The following TOP1MT variants were observed in gnomAD, a reference collection of about 807,000 sequenced individuals.
The protein encoded by TOP1MT is DNA topoisomerase I, mitochondrial.
In TOP1MT, 80 loss-of-function variants were observed where a neutral mutation model predicts 73.9. The observed-to-expected ratio is 1.08, with a 90% CI of 0.90 to 1.30. The LOEUF is 1.30. Ranked by LOEUF, TOP1MT falls within the 50% of genes most tolerant of loss-of-function variation. The pLI is 0.00. For missense variants in TOP1MT, 815 were observed against 808.0 expected, an observed-to-expected ratio of 1.01 and a Z score of -0.10; for synonymous variants, 338 against 326.4, an observed-to-expected ratio of 1.04 and a Z score of -0.38.
Position 143,310,214 on chromosome 8 carries a change from G to A in TOP1MT, c.1557C>T (p.Val519=). The A allele has an allele frequency of 6.4e-7, 1 of 1,558,762 alleles. No individual in the cohort carries two copies. The highest frequency in any genetic ancestry group is 8.7e-7 in the Non-Finnish European group (1 of 1,153,994). ...CCAGGAGCCGCCTCTTCTTCTCCAG[G>A]ACACTGGCAAGAGAAGAGGAGGCCG... ...KAQGDGKSRS[V]LEKKRRLLEK... The change falls in exon 13 of 14, where the codon GTC becomes GTT. Residue 519 remains valine, a synonymous_variant. Transcript: ENST00000329245.
intron 7 of TOP1MT, among the ~76,000 whole-genome samples, chr8:143,322,219 CAG>C (rs1183756287): frequency 1.3e-5 from 1 of 79,858 alleles, no homozygotes; most frequent in African/African-American, 4.4e-5. Flanking sequence ...ACGCCACACA[CAG>C]GCACGCCACA....
rs776700897 is a variant in TOP1MT, at chr8:143,318,029, C to A, written c.1204G>T (p.Asp402Tyr). Residue 402 changes from aspartate to tyrosine, a missense_variant, in exon 9 of 14, where the codon GAC becomes TAC. Physicochemically the swap from Asp to Tyr is radical, Grantham distance 160. This residue lies in a region of TOP1MT where 751 missense variants were observed against 725.4 expected (regional missense o/e 1.04). Transcript: ENST00000329245. ...ACGAGCCGGCTTACGGTCAGCCTGT[C>A]GAAGAGGTCGTCCCGGGGGTCCTTG... ...ENKDPRDDLF[D>Y]RLTTTSLNKH... The A allele has an allele frequency of 1.9e-5, 30 of 1,614,026 alleles. No individual in the cohort carries two copies. The highest frequency in any genetic ancestry group is 3.3e-5 in the Admixed American group (2 of 59,996).
intron 7 of TOP1MT, among the ~76,000 whole-genome samples, chr8:143,322,951 GCCACA>G (rs1238739079): frequency 1.2e-4 from 8 of 65,558 alleles, no homozygotes; most frequent in African/African-American, 3.8e-4. Flanking sequence ...CGCCACACAC[GCCACA>G]CACGCACGCC....
chr8:143,315,665 G>C, intron 12 of TOP1MT, 62 bp downstream of exon 12: 1 of 1,362,614 alleles, frequency 7.3e-7, no homozygotes, highest in Non-Finnish European at 1.0e-6. Context: ...ACCCTGTGGG[G>C]CTGGACCCTA....
At chr8:143,315,851 C>A in intron 11 of TOP1MT, 30 bp from the exon 12 acceptor site, 1 of 1,609,294 alleles carries the variant, frequency 6.2e-7, no homozygotes, top group Non-Finnish European at 8.5e-7. Flanking sequence ...ACAGGGCTGC[C>A]CCTCCCCATC....
upstream of TOP1MT, among the ~76,000 whole-genome samples, chr8:143,349,640 C>CTTTT (rs112290042): frequency 1.2e-4 from 17 of 146,004 alleles, no homozygotes; most frequent in African/African-American, 2.3e-4. Context: ...CATCTGTACA[C>CTTTT]TTTTTTTTTT....
chr8:143,317,714 C>T lies in TOP1MT; in HGVS notation c.1330+9G>A, dbSNP rs749626035. The T allele has an allele frequency of 5.0e-6, 8 of 1,611,574 alleles. No homozygotes were observed. The Admixed American group carries it at 1.0e-4, about 20-fold the overall frequency. The stretch of plus-strand genomic sequence containing the variant: ...CCCCGCGCTGAGTGTGGGTGTGGGG[C>T]AGGCTCACCGCGCGTCAGGGCCCGC... On this transcript the variant is annotated intron_variant, in intron 10 of 13. Transcript: ENST00000329245.
intron 7 of TOP1MT, among the ~76,000 whole-genome samples, chr8:143,322,984 A>ACACACGC (rs1437124677): frequency 2.4e-4 from 27 of 111,008 alleles, no homozygotes; most frequent in African/African-American, 9.0e-4. Context: ...CACGCACGCC[A>ACACACGC]CACACGCACG....
chr8:143,309,528 C>A lies in TOP1MT; in HGVS notation c.1719G>T (p.Arg573Ser), dbSNP rs989888051. The A allele has an allele frequency of 6.2e-7, 1 of 1,613,944 alleles. No individual in the cohort carries two copies. Among genetic ancestry groups the A allele is most frequent in the Admixed American group, 1.7e-5 (1 of 60,026 alleles). ...RISIAWCKRF[R>S]VPVEKIYSKT... ...TGCTGTAGATCTTCTCCACTGGCAC[C>A]CTGAACCGCTTGCACCTGCGGGAGG... Residue 573 changes from arginine (R) to serine (S), a missense_variant, in exon 14 of 14, where the codon AGG (arginine) becomes AGT (serine). Arg to Ser is a moderately radical substitution (Grantham distance 110). This residue lies in a region of TOP1MT where 751 missense variants were observed against 725.4 expected (regional missense o/e 1.04). Transcript: ENST00000329245.
At position 143,310,208 on chromosome 8, in the gene TOP1MT, C is replaced by A; in HGVS notation, c.1563G>T (p.Glu521Asp). Residue 521 changes from glutamate to aspartate, a missense_variant, in exon 13 of 14, where the codon GAG becomes GAT. This residue lies in a region of TOP1MT where 751 missense variants were observed against 725.4 expected (regional missense o/e 1.04). Coordinates refer to ENST00000329245, the MANE Select transcript of TOP1MT (RefSeq NM_052963.3). ...GCTTCTCCAGGAGCCGCCTCTTCTT[C>A]TCCAGGACACTGGCAAGAGAAGAGG... Reference protein sequence around the residue: ...QGDGKSRSVLEKKRRLLEKLQ... With the variant: ...QGDGKSRSVLDKKRRLLEKLQ... The A allele has an allele frequency of 1.3e-6, 2 of 1,566,090 alleles. No homozygotes were observed. The highest frequency in any genetic ancestry group is 1.7e-6 in the Non-Finnish European group (2 of 1,157,204).
intron 8 of TOP1MT, among the ~76,000 whole-genome samples, chr8:143,320,547 GTGCACCACCATGCC>G (rs1816302470): frequency 6.6e-6 from 1 of 152,238 alleles, no homozygotes; most frequent in Non-Finnish European, 1.5e-5. Flanking sequence ...GATTACAGGA[GTGCACCACCATGCC>G]TGGCCAGAAC....
chr8:143,356,546 G>A (rs187593881), upstream of TOP1MT, among the ~76,000 whole-genome samples: 15 of 152,196 alleles, frequency 9.9e-5, no homozygotes, highest in African/African-American at 2.6e-4. Context: ...CCAGCACTAC[G>A]GGAGGCTGAG....
At chr8:143,352,270 G>A (rs763743966) in intron 1 of TOP1MT, among the ~76,000 whole-genome samples, 5 of 152,074 alleles carry the variant, frequency 3.3e-5, no homozygotes, top group Non-Finnish European at 5.9e-5. Context: ...CAAATTAGAG[G>A]ATTCATACTT....
chr8:143,342,166 G>A lies in TOP1MT; in HGVS notation c.29+1054C>T, dbSNP rs1382491795. On this transcript the variant is annotated intron_variant, in intron 2 of 5. Coordinates refer to the TOP1MT transcript ENST00000518007. ...TTATTATTATTAGAGACAGAGTCTC[G>A]CTCTGTTATTATTAGAGACAGTCTC... Among the ~76,000 whole-genome samples the A allele has an allele frequency of 7.9e-5, 8 of 101,496 alleles. 1 individual carries two copies. The highest frequency in any genetic ancestry group is 2.4e-4 in the African/African-American group (4 of 16,606). 66.6% of individuals were successfully genotyped at this position (101,496 alleles called of 152,430 possible).
chr8:143,358,198 T>G (rs1476906364), upstream of TOP1MT, among the ~76,000 whole-genome samples: 3 of 152,232 alleles, frequency 2.0e-5, no homozygotes, highest in Non-Finnish European at 4.4e-5. Context: ...CTTCTTCACT[T>G]TGAGCTTCTT....
At chr8:143,318,153 T>G in intron 8 of TOP1MT, 67 bp from the exon 9 acceptor site, 1 of 1,495,058 alleles carries the variant, frequency 6.7e-7, no homozygotes, top group South Asian at 1.1e-5. Context: ...CTGAAGGGCG[T>G]CTACGCAGAG....
At chr8:143,323,789 CGCACA>C (rs1359138321) in intron 7 of TOP1MT, among the ~76,000 whole-genome samples, 2 of 129,126 alleles carry the variant, frequency 1.5e-5, no homozygotes, top group Non-Finnish European at 3.7e-5. Flanking sequence ...GCACACCACA[CGCACA>C]AGTGCACACA....
chr8:143,323,484 CCA>C (rs1238227466), intron 7 of TOP1MT, among the ~76,000 whole-genome samples: 2 of 125,546 alleles, frequency 1.6e-5, no homozygotes, highest in African/African-American at 6.9e-5. Context: ...CACACGCACG[CCA>C]CACACATGCA....
intron 7 of TOP1MT, among the ~76,000 whole-genome samples, chr8:143,322,631 CACACACACACGCCACACGCACACCACA>C (rs1816496830): frequency 5.3e-5 from 2 of 37,664 alleles, no homozygotes; most frequent in African/African-American, 2.3e-4. Flanking sequence ...ACAGGCACGT[CACACACACACGCCACACGCACACCACA>C]CACGCACGCC....
Sources: allele counts gnomAD v4.1 joint callset (sites outside exome capture counted in the v4.1 genomes callset), GRCh38; gene constraint gnomAD v4.1.1; regional missense constraint gnomAD v4.1.1; transcripts MANE v1.5; gene names NCBI Gene and HGNC (gene_info 2026-07-23, HGNC 2026-07-21).